Variants in PAQR3 observed in about 807,000 individuals in gnomAD.
The protein encoded by PAQR3 is Raf kinase trapping to Golgi.
PAQR3 carries 39 observed loss-of-function variants against 41.7 expected under a neutral mutation model. The observed-to-expected ratio is 0.93, with a 90% confidence interval of 0.72 to 1.22. The LOEUF is 1.22. Ranked by LOEUF, PAQR3 falls within the 50% of genes most tolerant of loss-of-function variation. The pLI, the probability that PAQR3 is intolerant of heterozygous loss-of-function variation, is 0.00. For synonymous variants in PAQR3, 140 were observed against 140.6 expected (o/e 1.00, Z 0.03); for missense variants, 366 against 385.6 (o/e 0.95, Z 0.42).
intron 11 of PAQR3, among the ~76,000 whole-genome samples, chr4:78,900,366 G>T (rs1733933809): frequency 6.6e-6 from 1 of 152,176 alleles, no homozygotes; most frequent in Non-Finnish European, 1.5e-5. Context: ...TGTGTCGGAG[G>T]TTGATACCTC....
intron 3 of PAQR3, among the ~76,000 whole-genome samples, chr4:78,929,010 C>G (rs2110154358): frequency 6.6e-6 from 1 of 152,284 alleles, no homozygotes; most frequent in Non-Finnish European, 1.5e-5. Context: ...GCTGATCTGA[C>G]AGGAGGCAGA....
rs1041139236 is a variant in PAQR3, at chr4:78,939,352, C to A, written c.-128G>T. The A allele has an allele frequency of 1.3e-6, 1 of 789,206 alleles. No homozygotes were observed. The highest frequency in any genetic ancestry group is 1.9e-5 in the African/African-American group (1 of 53,602). 48.9% of individuals were successfully genotyped at this position (789,206 alleles called of 1,614,324 possible). A position where few individuals can be genotyped will look rare whatever the true frequency, so the allele number is the denominator to read the frequency against. On this transcript the variant is annotated 5_prime_UTR_variant, in exon 1 of 6. Transcript: ENST00000512733. Reference sequence around the variant, plus strand: ...CGCTGCGCGAGGTCCTACCGCGCTGCCGCTGCTGCCCAGGGCCCGGCTCTG... The same window carrying A: ...CGCTGCGCGAGGTCCTACCGCGCTGACGCTGCTGCCCAGGGCCCGGCTCTG...
rs566779685 is a variant in PAQR3 at position 78,916,048 on chromosome 4, C to T, written c.*4491G>A. 1 of 151,906 alleles carries T rather than the reference C, an allele frequency of 6.6e-6. No homozygotes were observed. The highest frequency in any genetic ancestry group is 1.5e-5 in the Non-Finnish European group (1 of 67,840). The allele number at this position is 151,906 out of a possible 1,614,324, so 9.4% of individuals were successfully genotyped here. ...TTAACCTTTAAATAAAGCAAATTTA[C>T]ATCTTTATTGTATTTCTACTTGTTA... On this transcript the variant is annotated 3_prime_UTR_variant, in exon 6 of 6. Coordinates refer to ENST00000512733, the MANE Select transcript of PAQR3 (RefSeq NM_001040202.2).
Position 78,917,758 on chromosome 4 carries a change from T to C in PAQR3, c.*2781A>G, listed in dbSNP as rs1211966526. 1 of 947,580 alleles carries C rather than the reference T, an allele frequency of 1.1e-6. No individual in the cohort carries two copies. The highest frequency in any genetic ancestry group is 1.8e-5 in the African/African-American group (1 of 56,314). The allele number at this position is 947,580 out of a possible 1,614,324, so 58.7% of individuals were successfully genotyped here. A position where few individuals can be genotyped will look rare whatever the true frequency, so the allele number is the denominator to read the frequency against. ...ACAGGGCAAAGTATTATCTAGTAGG[T>C]ACCTGCCAAATGGAGAGTTGTACAG... On this transcript the variant is annotated 3_prime_UTR_variant, in exon 6 of 6. Transcript: ENST00000512733.
chr4:78,887,079 A>C (rs112342227), downstream of PAQR3: 97 of 871,858 alleles, frequency 1.1e-4, 1 homozygote, highest in African/African-American at 1.2e-3. Context: ...CTGGTGCTTT[A>C]ATTTTCACTT....
At chr4:78,932,244 G>T (rs1736978931) in intron 2 of PAQR3, among the ~76,000 whole-genome samples, 1 of 151,904 alleles carries the variant, frequency 6.6e-6, no homozygotes. Context: ...TAGCTTTTTG[G>T]TTACTAAGCA....
intron 3 of PAQR3, among the ~76,000 whole-genome samples, chr4:78,927,590 C>G (rs1205023161): frequency 6.6e-6 from 1 of 152,254 alleles, no homozygotes; most frequent in Non-Finnish European, 1.5e-5. Context: ...GAAAGCCTGA[C>G]TGTTTTTGGC....
In PAQR3 at chr4:78,920,521, C is replaced by G; in HGVS notation, c.*18G>C. On this transcript the variant is annotated 3_prime_UTR_variant, in exon 6 of 6. Transcript: ENST00000512733. Reference sequence around the variant, plus strand: ...TATATTGCTTAACAACTGAATTCACCAGGTGGCCATACCTAATTCACAAAT... The same window carrying G: ...TATATTGCTTAACAACTGAATTCACGAGGTGGCCATACCTAATTCACAAAT... 6.3e-7 allele frequency: 1 copy of G among 1,599,854 alleles called. No individual in the cohort carries two copies. The highest frequency in any genetic ancestry group is 8.5e-7 in the Non-Finnish European group (1 of 1,173,166).
Position 78,920,043 on chromosome 4 carries a change from T to A in PAQR3, c.*496A>T. On this transcript the variant is annotated 3_prime_UTR_variant, in exon 6 of 6. Coordinates refer to ENST00000512733, the MANE Select transcript of PAQR3 (RefSeq NM_001040202.2). Reference sequence around the variant, plus strand: ...AAGTGCCAGTTTCTCACAAATCATTTTAGTGATTATTTAAATCTAGTGATT... The same window carrying A: ...AAGTGCCAGTTTCTCACAAATCATTATAGTGATTATTTAAATCTAGTGATT... The A allele has an allele frequency of 1.0e-6, 1 of 984,906 alleles. No individual in the cohort carries two copies. Among genetic ancestry groups the A allele is most frequent in the Non-Finnish European group, 1.2e-6 (1 of 829,186 alleles). The allele number at this position is 984,906 out of a possible 1,614,324, so 61.0% of individuals were successfully genotyped here.
intron 4 of PAQR3, among the ~76,000 whole-genome samples, chr4:78,926,066 C>T (rs1736184905): frequency 6.6e-6 from 1 of 152,142 alleles, no homozygotes; most frequent in Admixed American, 6.5e-5. Flanking sequence ...CTATCTCTAC[C>T]TTTACATCCA....
At chr4:78,888,462 G>A (rs1329692273) in intron 11 of PAQR3, among the ~76,000 whole-genome samples, 1 of 152,122 alleles carries the variant, frequency 6.6e-6, no homozygotes, top group Non-Finnish European at 1.5e-5. Flanking sequence ...ATCTCTGTGT[G>A]GTAGAAGGCA....
In PAQR3 at chr4:78,912,216, C is replaced by T. The variant is rs1042873465; in HGVS notation, c.*8323G>A. ...TCTCTACAGGGTAGTAACTTGATTC[C>T]TCTTCAGGAGAAAAGGGAGCTAAAT... On this transcript the variant is annotated 3_prime_UTR_variant, in exon 6 of 6. Transcript: ENST00000512733. The T allele has an allele frequency of 8.7e-6, 5 of 571,528 alleles. No individual in the cohort carries two copies. Among genetic ancestry groups the T allele is most frequent in the African/African-American group, 1.9e-5 (1 of 53,040 alleles). 35.4% of individuals were successfully genotyped at this position (571,528 alleles called of 1,614,324 possible).
At chr4:78,889,027 C>T (rs563724566) in intron 11 of PAQR3, among the ~76,000 whole-genome samples, 19 of 152,226 alleles carry the variant, frequency 1.2e-4, no homozygotes, top group African/African-American at 4.3e-4. Context: ...CAAGACCATC[C>T]TGGCTAACAC....
Position 78,939,072 on chromosome 4 carries a change from C to T in PAQR3, c.153G>A (p.Arg51=), listed in dbSNP as rs1737751521. The change falls in exon 1 of 6, where the codon CGG becomes CGA. Residue 51 remains arginine (R), a synonymous_variant. Transcript: ENST00000512733. ...TACACAGCCTGGACGGCAGGTAGGCCCGGTAGCCGTCGGTGATGTACGGGT... is the reference window on the plus strand; with the variant it reads ...TACACAGCCTGGACGGCAGGTAGGCTCGGTAGCCGTCGGTGATGTACGGGT... ...KDNPYITDGY[R]AYLPSRLCIK... The T allele has an allele frequency of 1.2e-6, 2 of 1,611,364 alleles. No homozygotes were observed. Among genetic ancestry groups the T allele is most frequent in the South Asian group, 1.1e-5 (1 of 90,964 alleles).
chr4:78,931,185 T>TTAAA lies in PAQR3; in HGVS notation c.349-861_349-860insTTTA, dbSNP rs35748488. 7.9e-4 allele frequency among the ~76,000 whole-genome samples: 91 copies of TTAAA among 115,036 alleles called. 13 individuals carry two copies. Among genetic ancestry groups the TTAAA allele is most frequent in the South Asian group, 1.7e-3 (6 of 3,556 alleles). The allele number at this position is 115,036 out of a possible 152,430, so 75.5% of individuals were successfully genotyped here. On this transcript the variant is annotated intron_variant, in intron 2 of 5. Coordinates refer to ENST00000512733, the MANE Select transcript of PAQR3 (RefSeq NM_001040202.2). ...GGCAACATAGGGAGACCTCATTTCT[T>TTAAA]AAAAAAAAAAAAAAAAAAAAAAAAA...
intron 1 of PAQR3, 122 bp from the exon 2 acceptor site, chr4:78,935,405 G>T: frequency 1.5e-6 from 1 of 656,498 alleles, no homozygotes; most frequent in Non-Finnish European, 2.4e-6. Flanking sequence ...TACCCCACCT[G>T]TACCTTTCTA....
At chr4:78,911,714 G>C, downstream of PAQR3, 1 of 1,613,914 alleles carries the variant, frequency 6.2e-7, no homozygotes, top group Non-Finnish European at 8.5e-7. Context: ...AAAGATAGGG[G>C]GAATGTCTTA....
chr4:78,904,823 A>G (rs1734204194), intron 11 of PAQR3, among the ~76,000 whole-genome samples: 2 of 151,924 alleles, frequency 1.3e-5, no homozygotes, highest in African/African-American at 2.4e-5. Context: ...CAATAAGAGC[A>G]TAATTATTAT....
chr4:78,898,299 AT>A (rs1171251376), intron 11 of PAQR3, among the ~76,000 whole-genome samples: 2 of 152,094 alleles, frequency 1.3e-5, no homozygotes, highest in South Asian at 2.1e-4. Flanking sequence ...TAGAGCAAAT[AT>A]TTGTTGGAAC....
Sources: gnomAD v4.1 joint callset for allele counts (sites outside exome capture counted in the v4.1 genomes callset) on GRCh38, gnomAD v4.1.1 for gene constraint, MANE v1.5 for transcripts, NCBI Gene and HGNC (gene_info 2026-07-23, HGNC 2026-07-21) for gene names.